The following SCFD2 variants were observed in gnomAD, a reference collection of about 807,000 sequenced individuals.
SCFD2 encodes sec1 family domain-containing protein 2.
SCFD2 carries 54 observed loss-of-function variants against 58.9 expected under a neutral mutation model. The ratio of observed to expected loss-of-function variants is 0.92; its 90% CI spans 0.74 to 1.15. SCFD2 has a LOEUF of 1.15. Ranked by LOEUF, SCFD2 falls within the 50% of genes most tolerant of loss-of-function variation. The pLI is 0.00. For missense variants in SCFD2, 805 were observed against 836.6 expected, an observed-to-expected ratio of 0.96 and a Z score of 0.47; for synonymous variants, 321 against 335.9, an observed-to-expected ratio of 0.96 and a Z score of 0.49.
At chr4:53,353,476 T>C (rs1467396351) in intron 1 of SCFD2, among the ~76,000 whole-genome samples, 1 of 152,216 alleles carries the variant, frequency 6.6e-6, no homozygotes, top group Non-Finnish European at 1.5e-5. Flanking sequence ...CACTGCTGTC[T>C]CGGGCAGCCT....
At chr4:53,333,623 G>A (rs1286444278) in intron 2 of SCFD2, among the ~76,000 whole-genome samples, 6 of 148,418 alleles carry the variant, frequency 4.0e-5, no homozygotes, top group East Asian at 2.0e-4. Flanking sequence ...AGACTTAAAC[G>A]TTAGACCTAA....
At chr4:53,312,987 T>A (rs537245267) in intron 3 of SCFD2, among the ~76,000 whole-genome samples, 1 of 152,210 alleles carries the variant, frequency 6.6e-6, no homozygotes, top group South Asian at 2.1e-4. Context: ...AATCAACGCA[T>A]TACTTCTGTG....
chr4:53,012,836 G>GTGTGTGTGTGTGTGTGTGTT (rs1553914338), intron 5 of SCFD2, among the ~76,000 whole-genome samples: 1 of 145,084 alleles, frequency 6.9e-6, no homozygotes, highest in African/African-American at 2.5e-5. Context: ...GTGTGTGTGT[G>GTGTGTGTGTGTGTGTGTGTT]TTTTTTTTTA....
chr4:53,346,139 T>C (rs547235541), intron 2 of SCFD2, among the ~76,000 whole-genome samples: 1 of 151,994 alleles, frequency 6.6e-6, no homozygotes, highest in Non-Finnish European at 1.5e-5. Context: ...AATAAGATAT[T>C]TATACATGTT....
chr4:53,022,739 C>T (rs567085145), intron 5 of SCFD2, among the ~76,000 whole-genome samples: 1 of 152,236 alleles, frequency 6.6e-6, no homozygotes, highest in Non-Finnish European at 1.5e-5. Flanking sequence ...ACTTAAGAGG[C>T]TGGTTGGTTG....
chr4:53,177,874 G>T (rs560001612), intron 4 of SCFD2, among the ~76,000 whole-genome samples: 2 of 152,252 alleles, frequency 1.3e-5, no homozygotes, highest in Non-Finnish European at 2.9e-5. Context: ...CTGGCTCAGA[G>T]GGTCCTACGC....
intron 5 of SCFD2, among the ~76,000 whole-genome samples, chr4:53,027,352 C>T (rs1722502278): frequency 6.6e-6 from 1 of 152,010 alleles, no homozygotes; most frequent in Non-Finnish European, 1.5e-5. Flanking sequence ...AGTGGGCTGA[C>T]CTGCTCAGTG....
rs1157528558 is a variant in SCFD2, at chr4:53,365,912, G to T, written c.30C>A (p.Thr10=). 1 of 1,574,330 alleles carries T rather than the reference G, an allele frequency of 6.4e-7. No individual in the cohort carries two copies. The highest frequency in any genetic ancestry group is 8.6e-7 in the Non-Finnish European group (1 of 1,163,288). The change falls in exon 1 of 9, where the codon ACC becomes ACA. Residue 10 remains threonine (T), a synonymous_variant. Coordinates refer to ENST00000401642, the MANE Select transcript of SCFD2 (RefSeq NM_152540.4). The surrounding 1 kb of genome is among the most constrained non-coding windows in gnomAD (Gnocchi z 4.3). MSASGVLSF[T]QQGWEQVLAK... is the part of the protein sequence containing the mutation. ...CCAGCACCTGCTCCCATCCTTGCTG[G>T]GTAAAGGACAGTACGCCCGAGGCGC...
At chr4:53,069,114 T>C (rs2148847651) in intron 5 of SCFD2, among the ~76,000 whole-genome samples, 1 of 152,178 alleles carries the variant, frequency 6.6e-6, no homozygotes, top group Admixed American at 6.6e-5. Context: ...GGCTTTATTT[T>C]TAAGGCTCAG....
At chr4:52,979,994 C>T (rs1001277188) in intron 5 of SCFD2, among the ~76,000 whole-genome samples, 1 of 152,148 alleles carries the variant, frequency 6.6e-6, no homozygotes, top group Non-Finnish European at 1.5e-5. Flanking sequence ...AGCCATTGCA[C>T]AGCACAGGTC....
chr4:52,891,040 A>C (rs1287343988), intron 7 of SCFD2, among the ~76,000 whole-genome samples: 1 of 152,102 alleles, frequency 6.6e-6, no homozygotes, highest in African/African-American at 2.4e-5. Context: ...AAGACAGTTC[A>C]ATAGGAGCTT....
At chr4:53,108,684 G>C (rs1725076094) in intron 5 of SCFD2, among the ~76,000 whole-genome samples, 1 of 152,168 alleles carries the variant, frequency 6.6e-6, no homozygotes, top group Non-Finnish European at 1.5e-5. Flanking sequence ...TTTAATTCCT[G>C]ACTAGACCAA....
chr4:53,273,817 G>A lies in SCFD2; in HGVS notation c.1311+9C>T, dbSNP rs1274517283. ...ATTAAGATCCCACGAGGTTCCCATAGCAACATACCTGAAGAAGGAGCCTTT... is the reference window on the plus strand; with the variant it reads ...ATTAAGATCCCACGAGGTTCCCATAACAACATACCTGAAGAAGGAGCCTTT... On this transcript the variant is annotated intron_variant, in intron 4 of 8. Coordinates refer to ENST00000401642, the MANE Select transcript of SCFD2 (RefSeq NM_152540.4). The A allele has an allele frequency of 1.2e-6, 2 of 1,604,704 alleles. No individual in the cohort carries two copies. The highest frequency in any genetic ancestry group is 2.2e-5 in the East Asian group (1 of 44,770).
intron 5 of SCFD2, among the ~76,000 whole-genome samples, chr4:53,086,127 C>T (rs1724298046): frequency 6.6e-6 from 1 of 151,938 alleles, no homozygotes; most frequent in African/African-American, 2.4e-5. Context: ...TGTAAACTAC[C>T]CATCTAACAA....
At chr4:53,286,210 G>C (rs556197026) in intron 3 of SCFD2, among the ~76,000 whole-genome samples, 2 of 152,170 alleles carry the variant, frequency 1.3e-5, no homozygotes, top group African/African-American at 4.8e-5. Flanking sequence ...CCATTTCCAG[G>C]CTACTAAGAG....
intron 5 of SCFD2, among the ~76,000 whole-genome samples, chr4:53,070,617 A>G (rs769437259): frequency 6.6e-6 from 1 of 152,094 alleles, no homozygotes; most frequent in South Asian, 2.1e-4. Context: ...AACATTATCA[A>G]CTGGTGTCTG....
chr4:53,253,462 C>G (rs903422898), intron 4 of SCFD2, among the ~76,000 whole-genome samples: 41 of 152,080 alleles, frequency 2.7e-4, no homozygotes, highest in Non-Finnish European at 5.1e-4. Context: ...CAGCACTATT[C>G]ACAATAGCAA....
At chr4:53,130,656 AAGTGACTG>A (rs1343592029) in intron 5 of SCFD2, among the ~76,000 whole-genome samples, 2 of 152,170 alleles carry the variant, frequency 1.3e-5, no homozygotes, top group Non-Finnish European at 2.9e-5. Context: ...TCCCCCTGGC[AAGTGACTG>A]AAGGTCAGTC....
intron 8 of SCFD2, among the ~76,000 whole-genome samples, chr4:52,880,287 A>AT (rs34151471): frequency 1.3e-3 from 189 of 143,214 alleles, no homozygotes; most frequent in Middle Eastern, 3.6e-3. Flanking sequence ...GTGCAAAACT[A>AT]TTTTTTTTTT....
Sources: gnomAD v4.1 joint callset for allele counts (sites outside exome capture counted in the v4.1 genomes callset) on GRCh38, gnomAD v4.1.1 for gene constraint, Gnocchi (gnomAD v3.1) non-coding constraint, MANE v1.5 for transcripts, NCBI Gene and HGNC (gene_info 2026-07-23, HGNC 2026-07-21) for gene names.